The following HEATR5A variants were observed in gnomAD, a reference collection of about 807,000 sequenced individuals.
The protein encoded by HEATR5A is HEAT repeat containing 5A.
A neutral mutation model predicts 218.8 loss-of-function variants in HEATR5A; 178 were observed. The ratio of observed to expected loss-of-function variants is 0.81; its 90% CI spans 0.72 to 0.92. The LOEUF is 0.92. HEATR5A is among the 40% of genes least tolerant of loss of function. The pLI is 0.00. For missense variants in HEATR5A, 2,420 were observed against 2,418.9 expected (o/e 1.00, Z -0.01); for synonymous variants, 864 against 871.6 (o/e 0.99, Z 0.15).
At chr14:31,412,049 T>A (rs952841233) in intron 1 of HEATR5A, among the ~76,000 whole-genome samples, 16 of 151,550 alleles carry the variant, frequency 1.1e-4, no homozygotes, top group Admixed American at 9.9e-4. Flanking sequence ...AGAGACAGGG[T>A]TTCACCATGT....
intron 33 of HEATR5A, among the ~76,000 whole-genome samples, chr14:31,300,229 G>C (rs759425156): frequency 6.6e-6 from 1 of 151,720 alleles, no homozygotes; most frequent in Non-Finnish European, 1.5e-5. Context: ...GCCTTCCCTA[G>C]CTATTTAATT....
At chr14:31,312,369 T>C (rs10872851) in intron 28 of HEATR5A, among the ~76,000 whole-genome samples, 49,489 of 151,200 alleles carry the variant, frequency 0.33, 9,339 homozygotes, top group South Asian at 0.42. Context: ...TTAAGTATGA[T>C]AATACAGTGT....
rs1171624994 is a variant in HEATR5A at position 31,320,182 on chromosome 14, G to A, written c.3969+1317C>T. The A allele has an allele frequency of 3.4e-5, 20 of 585,968 alleles. 1 individual carries two copies. The highest frequency in any genetic ancestry group is 2.8e-4 in the South Asian group (19 of 66,940). 36.3% of individuals were successfully genotyped at this position (585,968 alleles called of 1,614,324 possible). A position where few individuals can be genotyped will look rare whatever the true frequency, so the allele number is the denominator to read the frequency against. Reference sequence around the variant, plus strand: ...ACACCCCAGCACCAGGAATGGCGCGGAGTTGCAGCTGCAGGGACAGGCAGG... The same window carrying A: ...ACACCCCAGCACCAGGAATGGCGCGAAGTTGCAGCTGCAGGGACAGGCAGG... On this transcript the variant is annotated intron_variant, in intron 25 of 35. Coordinates refer to ENST00000543095, the MANE Select transcript of HEATR5A (RefSeq NM_015473.4).
intron 2 of HEATR5A, 64 bp downstream of exon 2, chr14:31,402,786 A>C: frequency 6.8e-7 from 1 of 1,472,598 alleles, no homozygotes; most frequent in South Asian, 1.3e-5. Context: ...AAACTAGAAA[A>C]GCAAACCAAA....
In HEATR5A at chr14:31,316,952, TG is replaced by T. The variant is rs201083625; in HGVS notation, c.4039-1004del. ...AGCCACTTGCCTGCGCCTCCCAAAGTGTTGGGATTATAGGAATGAGCCACTG... is the reference window on the plus strand; with the variant it reads ...AGCCACTTGCCTGCGCCTCCCAAAGTTTGGGATTATAGGAATGAGCCACTG... On this transcript the variant is annotated intron_variant, in intron 26 of 35. Transcript: ENST00000543095. 3.4e-3 allele frequency among the ~76,000 whole-genome samples: 514 copies of T among 152,248 alleles called. 7 individuals carry two copies. The highest frequency in any genetic ancestry group is 0.012 in the African/African-American group (486 of 41,550).
intron 19 of HEATR5A, 134 bp downstream of exon 19, chr14:31,347,614 C>T: frequency 1.5e-6 from 1 of 647,842 alleles, no homozygotes; most frequent in Admixed American, 4.1e-5. Context: ...TAAAAATCCA[C>T]CAAGGTTAAC....
intron 16 of HEATR5A, among the ~76,000 whole-genome samples, chr14:31,354,694 A>C (rs976939274): frequency 1.3e-5 from 2 of 152,214 alleles, no homozygotes; most frequent in African/African-American, 2.4e-5. Context: ...AAGGGTGAAG[A>C]TGTAACATTT....
chr14:31,302,694 T>G, intron 32 of HEATR5A, 175 bp from the exon 33 acceptor site: 1 of 571,004 alleles, frequency 1.8e-6, no homozygotes, highest in Non-Finnish European at 3.1e-6. Context: ...TTTTTATGGA[T>G]GGATTAAATC....
At chr14:31,330,942 T>A (rs1006632875) in intron 22 of HEATR5A, among the ~76,000 whole-genome samples, 141 of 14,620 alleles carry the variant, frequency 9.6e-3, no homozygotes, top group South Asian at 0.077. Flanking sequence ...TCCCTCACCT[T>A]TTTTTTTTTT....
intron 1 of HEATR5A, chr14:31,420,198 G>A (rs1356467208): frequency 6.6e-6 from 1 of 152,502 alleles, no homozygotes; most frequent in East Asian, 1.9e-4. Context: ...CCAGGAGGAA[G>A]AACGGACCAC....
At chr14:31,388,223 G>C (rs1447741250) in intron 7 of HEATR5A, among the ~76,000 whole-genome samples, 1 of 151,968 alleles carries the variant, frequency 6.6e-6, no homozygotes, top group African/African-American at 2.4e-5. Flanking sequence ...TTTTCATGGA[G>C]ACTATATGCA....
At chr14:31,318,394 T>A in intron 25 of HEATR5A, 102 bp from the exon 26 acceptor site, 2 of 908,826 alleles carry the variant, frequency 2.2e-6, no homozygotes, top group Non-Finnish European at 3.5e-6. Context: ...ATAACAGGTA[T>A]TATGGACAGC....
chr14:31,337,555 C>A lies in HEATR5A; in HGVS notation c.3288G>T (p.Gln1096His). 1.3e-6 allele frequency: 2 copies of A among 1,587,328 alleles called. No homozygotes were observed. The highest frequency in any genetic ancestry group is 8.6e-7 in the Non-Finnish European group (1 of 1,166,378). The change falls in exon 22 of 36, where the codon CAG (glutamine) becomes CAT (histidine). Residue 1096 changes from glutamine to histidine, a missense_variant. Physicochemically the swap from Gln to His is conservative, Grantham distance 24. Transcript: ENST00000543095. ...LRRAVLACLR[Q>H]LVQREAAEVS... ...CTTCAGCTGCTTCTCTTTGTACAAG[C>A]TGACGTAAGCAAGCCAGTACTGCTC...
intron 2 of HEATR5A, among the ~76,000 whole-genome samples, 190 bp from the exon 3 acceptor site, chr14:31,400,702 C>G (rs1429924618): frequency 6.7e-6 from 1 of 148,482 alleles, no homozygotes; most frequent in Non-Finnish European, 1.5e-5. Flanking sequence ...GTTTGCTGCC[C>G]TGCTAATAAT....
intron 22 of HEATR5A, among the ~76,000 whole-genome samples, chr14:31,336,460 G>C (rs537190057): frequency 3.6e-4 from 54 of 151,730 alleles, no homozygotes; most frequent in Non-Finnish European, 7.4e-4. Context: ...AAGTGCTTAA[G>C]ATTACAGGTG....
At chr14:31,365,205 A>G (rs375395647) in intron 13 of HEATR5A, among the ~76,000 whole-genome samples, 5 of 152,120 alleles carry the variant, frequency 3.3e-5, no homozygotes, top group Admixed American at 1.3e-4. Context: ...TATATTATCA[A>G]CTAGAGTATG....
intron 11 of HEATR5A, among the ~76,000 whole-genome samples, chr14:31,379,378 G>C (rs1023391407): frequency 1.3e-5 from 2 of 151,952 alleles, no homozygotes; most frequent in African/African-American, 4.8e-5. Context: ...AGCTTCCCGA[G>C]TAGCTGGGAC....
In HEATR5A at chr14:31,308,035, AAAAG is replaced by A. The variant is rs1282812031; in HGVS notation, c.4691-19_4691-16del. 6.3e-7 allele frequency: 1 copy of A among 1,587,532 alleles called. No homozygotes were observed. Among genetic ancestry groups the A allele is most frequent in the Non-Finnish European group, 8.5e-7 (1 of 1,171,366 alleles). On this transcript the variant is annotated splice_polypyrimidine_tract_variant and intron_variant, in intron 29 of 35. Coordinates refer to ENST00000543095, the MANE Select transcript of HEATR5A (RefSeq NM_015473.4). ...CACGCTGATTCCTGTGGAAAGCAAA[AAAAG>A]AGGAGGAGGCTTCTTTCAAATTATT...
intron 13 of HEATR5A, among the ~76,000 whole-genome samples, chr14:31,370,690 G>T (rs1324834474): frequency 1.3e-5 from 2 of 152,098 alleles, no homozygotes; most frequent in African/African-American, 4.8e-5. Context: ...GAAGTCCATT[G>T]ACAAGAGAAT....
Sources: allele counts gnomAD v4.1 joint callset (sites outside exome capture counted in the v4.1 genomes callset), GRCh38; gene constraint gnomAD v4.1.1; transcripts MANE v1.5; gene names NCBI Gene and HGNC (gene_info 2026-07-23, HGNC 2026-07-21).